TACR3: variants seen among roughly 807,000 people sequenced by gnomAD.
TACR3 encodes the protein neuromedin-K receptor.
Under a neutral mutation model 35.0 loss-of-function variants are expected in TACR3, and 34 were observed. The ratio of observed to expected loss-of-function variants is 0.97; its 90% CI spans 0.74 to 1.30. The LOEUF (loss-of-function observed/expected upper bound fraction) is 1.30, where lower values mean the gene tolerates loss of function less well. Among genes scored for constraint, TACR3 ranks in the 50% most tolerant of loss-of-function variants. The probability of loss-of-function intolerance (pLI) is 0.00; values close to 1 mark genes in which losing one functional copy is unlikely to be tolerated. For missense variants in TACR3, 558 were observed against 591.7 expected (o/e 0.94, Z 0.59); for synonymous variants, 233 against 221.1 (o/e 1.05, Z -0.48).
intron 1 of TACR3, among the ~76,000 whole-genome samples, chr4:103,688,273 T>A (rs915527997): frequency 6.6e-6 from 1 of 152,126 alleles, no homozygotes; most frequent in Non-Finnish European, 1.5e-5. Flanking sequence ...ACTTAAACGT[T>A]AGATCTAAAA....
chr4:103,594,608 A>G (rs1245118774), intron 3 of TACR3, among the ~76,000 whole-genome samples: 2 of 152,072 alleles, frequency 1.3e-5, no homozygotes, highest in Non-Finnish European at 2.9e-5. Context: ...CTGACTACAA[A>G]CTCCCTATGC....
At chr4:103,591,070 C>T (rs1161668062) in intron 4 of TACR3, 1 of 222,358 alleles carries the variant, frequency 4.5e-6, no homozygotes, top group Non-Finnish European at 9.0e-6. Context: ...TTAATAAAGT[C>T]CGCTCACATA....
intron 1 of TACR3, among the ~76,000 whole-genome samples, chr4:103,690,190 A>G (rs970624867): frequency 6.6e-6 from 1 of 152,184 alleles, no homozygotes; most frequent in Non-Finnish European, 1.5e-5. Context: ...GATGTTCTTC[A>G]GGCAGAAAGA....
At chr4:103,661,213 A>G (rs947372206) in intron 1 of TACR3, among the ~76,000 whole-genome samples, 4 of 152,108 alleles carry the variant, frequency 2.6e-5, no homozygotes, top group East Asian at 3.8e-4. Flanking sequence ...CCCACCAAAG[A>G]ATCAGAAGTA....
intron 3 of TACR3, among the ~76,000 whole-genome samples, chr4:103,627,352 T>TAAAAATACAAAAAAAAAAAA (rs1271100817): frequency 3.6e-5 from 3 of 82,492 alleles, no homozygotes; most frequent in African/African-American, 1.4e-4. Context: ...GTGTTTCCAT[T>TAAAAATACAAAAAAAAAAAA]AAAAAAAAAA....
intron 1 of TACR3, among the ~76,000 whole-genome samples, chr4:103,676,951 A>C (rs1407675262): frequency 6.6e-6 from 1 of 152,224 alleles, no homozygotes; most frequent in African/African-American, 2.4e-5. Flanking sequence ...ATATTTTTGC[A>C]ATCTATGCAT....
intron 3 of TACR3, among the ~76,000 whole-genome samples, chr4:103,607,953 G>A (rs1035626519): frequency 1.3e-5 from 2 of 152,072 alleles, no homozygotes; most frequent in South Asian, 2.1e-4. Context: ...AGAAATGATC[G>A]TTTCCATGGA....
intron 3 of TACR3, among the ~76,000 whole-genome samples, chr4:103,592,942 T>C (rs889181342): frequency 6.6e-6 from 1 of 152,170 alleles, no homozygotes; most frequent in East Asian, 1.9e-4. Flanking sequence ...CAGATGGAAA[T>C]TGGCCATCAG....
At chr4:103,607,037 G>T (rs1488218674) in intron 3 of TACR3, among the ~76,000 whole-genome samples, 2 of 152,140 alleles carry the variant, frequency 1.3e-5, no homozygotes, top group Admixed American at 6.6e-5. Context: ...ATGAAGGGTT[G>T]TTGAATTTTG....
chr4:103,690,310 C>T (rs183161060), intron 1 of TACR3, among the ~76,000 whole-genome samples: 43 of 152,044 alleles, frequency 2.8e-4, no homozygotes, highest in African/African-American at 9.9e-4. Context: ...TAAAACACAC[C>T]ATGCAAACAT....
At chr4:103,620,818 C>T (rs886680598) in intron 3 of TACR3, among the ~76,000 whole-genome samples, 1 of 152,142 alleles carries the variant, frequency 6.6e-6, no homozygotes. Context: ...ATTCATACTC[C>T]AGACATCAAC....
At chr4:103,601,599 A>C (rs1724203181) in intron 3 of TACR3, among the ~76,000 whole-genome samples, 2 of 152,304 alleles carry the variant, frequency 1.3e-5, no homozygotes, top group East Asian at 3.9e-4. Context: ...AAAATCTCTC[A>C]GCATTAGCTT....
chr4:103,598,139 A>G lies in TACR3; in HGVS notation c.889-6456T>C, dbSNP rs866740561. Among the ~76,000 whole-genome samples the G allele has an allele frequency of 5.9e-5, 9 of 152,082 alleles. No individual in the cohort carries two copies. The South Asian group carries it at 8.3e-4, about 14-fold the overall frequency. ...GTTGTTTCCTGACTTTTTAATGATC[A>G]CCATTCTAACTGGTGTGAGATGGTA... On this transcript the variant is annotated intron_variant, in intron 3 of 4. Coordinates refer to ENST00000304883, the MANE Select transcript of TACR3 (RefSeq NM_001059.3).
chr4:103,689,359 C>G (rs935968877), intron 1 of TACR3, among the ~76,000 whole-genome samples: 1 of 151,724 alleles, frequency 6.6e-6, no homozygotes, highest in Non-Finnish European at 1.5e-5. Context: ...ATGTAACTAA[C>G]CTGCACATTG....
intron 1 of TACR3, among the ~76,000 whole-genome samples, chr4:103,672,879 A>G (rs1726083329): frequency 6.6e-6 from 1 of 152,144 alleles, no homozygotes; most frequent in Non-Finnish European, 1.5e-5. Context: ...CACCTCATCA[A>G]TGATCTTAAC....
chr4:103,656,218 A>T lies in TACR3; in HGVS notation c.864T>A (p.His288Gln). 6.2e-7 allele frequency: 1 copy of T among 1,613,022 alleles called. No individual in the cohort carries two copies. Among genetic ancestry groups the T allele is most frequent in the Non-Finnish European group, 8.5e-7 (1 of 1,179,268 alleles). The change falls in exon 3 of 5, where the codon CAT (histidine) becomes CAA (glutamine). Residue 288 changes from histidine to glutamine, a missense_variant. His to Gln is a conservative substitution (Grantham distance 24). Coordinates refer to ENST00000304883, the MANE Select transcript of TACR3 (RefSeq NM_001059.3). ...CCTTTCTTTTGGCCTTTAGCTGCTC[A>T]TGATACTTGTCACAGGTATCTCCTG... ...EIPGDTCDKY[H>Q]EQLKAKRKVV...
At chr4:103,662,439 C>G (rs1220750410) in intron 1 of TACR3, among the ~76,000 whole-genome samples, 1 of 152,032 alleles carries the variant, frequency 6.6e-6, no homozygotes, top group Admixed American at 6.6e-5. Context: ...AGGCTGGTCT[C>G]GAATTCCTGA....
chr4:103,655,387 G>C lies in TACR3; in HGVS notation c.888+807C>G, dbSNP rs1226273083. ...CAAACAATAATGATTGGCATAATCA[G>C]TAGGATTCATTCATCTTTGATAAAA... On this transcript the variant is annotated intron_variant, in intron 3 of 4. Coordinates refer to ENST00000304883, the MANE Select transcript of TACR3 (RefSeq NM_001059.3). Among the ~76,000 whole-genome samples, 5 of 152,182 alleles carry C rather than the reference G, an allele frequency of 3.3e-5. No individual in the cohort carries two copies. The East Asian group carries it at 9.7e-4, about 29-fold the overall frequency.
chr4:103,652,550 G>A (rs889018330), intron 3 of TACR3, among the ~76,000 whole-genome samples: 1 of 152,038 alleles, frequency 6.6e-6, no homozygotes, highest in Non-Finnish European at 1.5e-5. Context: ...GAGAGCTCTC[G>A]TGATTTTTGG....
Sources: allele counts gnomAD v4.1 joint callset (sites outside exome capture counted in the v4.1 genomes callset), GRCh38; gene constraint gnomAD v4.1.1; transcripts MANE v1.5; gene names NCBI Gene and HGNC (gene_info 2026-07-23, HGNC 2026-07-21).